The following NRG1 variants were observed in gnomAD, a reference collection of about 807,000 sequenced individuals.
NRG1 encodes neuregulin 1.
In NRG1, 18 loss-of-function variants were observed where a neutral mutation model predicts 63.8. That is an observed-to-expected ratio of 0.28 (90% CI 0.19 to 0.42). The LOEUF is 0.42. Ranked by LOEUF, NRG1 falls within the 10% of genes least tolerant of loss-of-function variation. NRG1 has a pLI of 1.00. For missense variants in NRG1, 762 were observed against 814.7 expected, an observed-to-expected ratio of 0.94 and a Z score of 0.79; for synonymous variants, 302 against 301.3, an observed-to-expected ratio of 1.00 and a Z score of -0.02.
At chr8:31,759,424 A>G (rs928872147) in intron 1 of NRG1, among the ~76,000 whole-genome samples, 2 of 151,970 alleles carry the variant, frequency 1.3e-5, no homozygotes, top group Admixed American at 6.6e-5. Context: ...TGTATAGTAT[A>G]AGGTCAAGAT....
At chr8:31,703,601 A>G (rs1056717291) in intron 1 of NRG1, among the ~76,000 whole-genome samples, 23 of 152,218 alleles carry the variant, frequency 1.5e-4, no homozygotes, top group African/African-American at 5.5e-4. Flanking sequence ...TGTATGAGCT[A>G]TTAGCACATA....
intron 1 of NRG1, among the ~76,000 whole-genome samples, chr8:31,705,619 C>T (rs1238175180): frequency 2.6e-5 from 4 of 152,154 alleles, no homozygotes; most frequent in Non-Finnish European, 5.9e-5. Flanking sequence ...CTATCAAGCC[C>T]CACTGTTTCT....
At chr8:31,810,575 C>G (rs1033943292) in intron 1 of NRG1, among the ~76,000 whole-genome samples, 8 of 152,172 alleles carry the variant, frequency 5.3e-5, no homozygotes, top group Non-Finnish European at 8.8e-5. Flanking sequence ...AGCTCTTTCT[C>G]TAGATATTAC....
At chr8:31,706,515 C>A (rs1024090336) in intron 1 of NRG1, among the ~76,000 whole-genome samples, 1 of 152,072 alleles carries the variant, frequency 6.6e-6, no homozygotes, top group African/African-American at 2.4e-5. Context: ...AACAATACTG[C>A]AAAGAATATT....
intron 1 of NRG1, among the ~76,000 whole-genome samples, chr8:31,890,115 G>T (rs955641012): frequency 5.3e-5 from 8 of 152,116 alleles, no homozygotes; most frequent in Non-Finnish European, 1.2e-4. Context: ...TCAGAAGCAA[G>T]CAACATCCAT....
intron 1 of NRG1, among the ~76,000 whole-genome samples, chr8:32,079,021 C>A (rs1316460627): frequency 6.6e-6 from 1 of 152,098 alleles, no homozygotes; most frequent in African/African-American, 2.4e-5. Flanking sequence ...TAACATTTTT[C>A]CTGTTGCTTA....
intron 7 of NRG1, among the ~76,000 whole-genome samples, chr8:32,745,083 C>T (rs1017369294): frequency 9.9e-5 from 15 of 152,102 alleles, no homozygotes; most frequent in Non-Finnish European, 2.1e-4. Context: ...AATTGCTTTC[C>T]AGTGTTGTCT....
At chr8:32,060,043 C>A (rs1823587825) in intron 1 of NRG1, among the ~76,000 whole-genome samples, 1 of 151,898 alleles carries the variant, frequency 6.6e-6, no homozygotes, top group Non-Finnish European at 1.5e-5. Context: ...GTCTTTCTTG[C>A]TCTCTATTTT....
At chr8:32,673,125 A>G (rs2128898522) in intron 5 of NRG1, among the ~76,000 whole-genome samples, 1 of 152,354 alleles carries the variant, frequency 6.6e-6, no homozygotes, top group East Asian at 1.9e-4. Flanking sequence ...TCACACCACA[A>G]AGCGAGTTAT....
At chr8:31,941,663 C>T (rs979992281) in intron 1 of NRG1, among the ~76,000 whole-genome samples, 1 of 152,092 alleles carries the variant, frequency 6.6e-6, no homozygotes, top group East Asian at 1.9e-4. Context: ...CACCAAAAAG[C>T]TCCTAGAACT....
rs183669839 is a variant in NRG1, at chr8:31,874,837, G to A, written c.37+235406G>A. On this transcript the variant is annotated intron_variant, in intron 1 of 10. Coordinates refer to the NRG1 transcript ENST00000519301. Reference sequence around the variant, plus strand: ...GTGTCTCCCTCATTTCTGTGTACATGTGACTCACTGGGGAATAAACAGGGA... The same window carrying A: ...GTGTCTCCCTCATTTCTGTGTACATATGACTCACTGGGGAATAAACAGGGA... Among the ~76,000 whole-genome samples, 693 of 147,242 alleles carry A rather than the reference G, an allele frequency of 4.7e-3. 10 individuals are homozygous for A. Among genetic ancestry groups the A allele is most frequent in the African/African-American group, 0.017 (677 of 39,878 alleles).
chr8:32,667,898 T>A (rs1313951098), intron 5 of NRG1, among the ~76,000 whole-genome samples: 1 of 152,044 alleles, frequency 6.6e-6, no homozygotes, highest in Non-Finnish European at 1.5e-5. Context: ...GAAGAAGGGA[T>A]CATTATGCCA....
At chr8:32,757,003 G>C (rs1329009227) in intron 9 of NRG1, among the ~76,000 whole-genome samples, 1 of 152,142 alleles carries the variant, frequency 6.6e-6, no homozygotes. Context: ...AAAGGATTCT[G>C]ATTTCCTTTA....
rs1250945098 is a variant in NRG1, at chr8:32,033,003, A to G, written c.37+393572A>G. On this transcript the variant is annotated intron_variant, in intron 1 of 10. Coordinates refer to the NRG1 transcript ENST00000519301. ...CTGCATATGGCTAGCCAGTTCTTCC[A>G]GCACCATTTATTAAGTAGGGTATCC... Among the ~76,000 whole-genome samples, 3 of 152,006 alleles carry G rather than the reference A, an allele frequency of 2.0e-5. No homozygotes were observed. The East Asian group carries it at 5.8e-4, about 29-fold the overall frequency.
chr8:32,126,246 C>A (rs550205326), intron 1 of NRG1, among the ~76,000 whole-genome samples: 2 of 151,972 alleles, frequency 1.3e-5, no homozygotes, highest in South Asian at 4.1e-4. Flanking sequence ...CACCACCTCA[C>A]CCTGTTGACA....
rs897871133 is a variant in NRG1, at chr8:32,199,798, G to T, written c.38-396030G>T. 3.3e-5 allele frequency among the ~76,000 whole-genome samples: 5 copies of T among 149,946 alleles called. No individual in the cohort carries two copies. The South Asian group carries it at 8.5e-4, about 25-fold the overall frequency. On this transcript the variant is annotated intron_variant, in intron 1 of 10. Transcript: ENST00000519301. ...TCTCATTGTTTTAAACTTTTTTTTT[G>T]AGTGGAGTTTCACTCTTTTTGCCCA...
At chr8:32,091,186 G>A (rs1375772666) in intron 1 of NRG1, among the ~76,000 whole-genome samples, 1 of 151,746 alleles carries the variant, frequency 6.6e-6, no homozygotes, top group Admixed American at 6.6e-5. Context: ...GCTGAGGCAG[G>A]AGAATGGCGT....
intron 1 of NRG1, among the ~76,000 whole-genome samples, chr8:31,807,148 C>G (rs1193067306): frequency 6.6e-6 from 1 of 152,110 alleles, no homozygotes; most frequent in East Asian, 1.9e-4. Context: ...AATGAAGGGC[C>G]CGAAAGAACT....
chr8:32,503,200 T>C (rs2129497230), intron 1 of NRG1, among the ~76,000 whole-genome samples: 1 of 137,384 alleles, frequency 7.3e-6, no homozygotes, highest in East Asian at 2.1e-4. Flanking sequence ...GGCAGAAGAA[T>C]GGCGTGAACC....
Sources: allele counts gnomAD v4.1 joint callset (sites outside exome capture counted in the v4.1 genomes callset), GRCh38; gene constraint gnomAD v4.1.1; transcripts MANE v1.5; gene names NCBI Gene and HGNC (gene_info 2026-07-23, HGNC 2026-07-21).